Variants in PHLDB3 observed in about 807,000 individuals in gnomAD.
PHLDB3 encodes pleckstrin homology-like domain family B member 3.
A neutral mutation model predicts 85.7 loss-of-function variants in PHLDB3; 86 were observed. The observed-to-expected ratio is 1.00, with a 90% confidence interval of 0.84 to 1.20. PHLDB3 has a LOEUF of 1.20. Ranked by LOEUF, PHLDB3 falls within the 50% of genes most tolerant of loss-of-function variation. The pLI is 0.00. For missense variants in PHLDB3, 995 were observed against 873.0 expected (o/e 1.14, Z -1.76); for synonymous variants, 376 against 349.8 (o/e 1.07, Z -0.83).
intron 4 of PHLDB3, among the ~76,000 whole-genome samples, chr19:43,501,262 C>A (rs1971590385): frequency 6.9e-6 from 1 of 144,366 alleles, no homozygotes; most frequent in Non-Finnish European, 1.5e-5. Context: ...TGGCTCACTG[C>A]AACCTCCATC....
At chr19:43,501,418 C>T (rs1011413653) in intron 4 of PHLDB3, 1 of 358,478 alleles carries the variant, frequency 2.8e-6, no homozygotes, top group Non-Finnish European at 5.1e-6. Flanking sequence ...CTCCTGAGCT[C>T]AGGCAATCCG....
Position 43,503,969 on chromosome 19 carries a change from A to T in PHLDB3, c.150T>A (p.Ala50=). Residue 50 remains alanine, a synonymous_variant, in exon 2 of 16, where the codon GCT becomes GCA. Transcript: ENST00000292140. ...VLAEPSSRGG[A]EQQAEEEEVG... The stretch of plus-strand genomic sequence containing the variant: ...CTTCTTCTTCCTCTGCCTGCTGCTC[A>T]GCTCCCCCGCGGCTCGAAGGTTCCG... The T allele has an allele frequency of 6.2e-7, 1 of 1,613,714 alleles. No homozygotes were observed. Among genetic ancestry groups the T allele is most frequent in the Non-Finnish European group, 8.5e-7 (1 of 1,179,772 alleles).
At chr19:43,495,161 G>A in intron 8 of PHLDB3, 95 bp downstream of exon 8, 1 of 604,364 alleles carries the variant, frequency 1.7e-6, no homozygotes, top group Non-Finnish European at 2.4e-6. Flanking sequence ...GGAGGGGCTA[G>A]GGCCTGGACT....
chr19:43,499,237 G>A (rs1459346147), intron 4 of PHLDB3, among the ~76,000 whole-genome samples: 1 of 152,158 alleles, frequency 6.6e-6, no homozygotes, highest in African/African-American at 2.4e-5. Context: ...ACAGGGAAGT[G>A]TACAGGGCAA....
At chr19:43,491,958 T>G (rs12984602) in intron 9 of PHLDB3, among the ~76,000 whole-genome samples, 3,577 of 114,304 alleles carry the variant, frequency 0.031, 262 homozygotes, top group African/African-American at 0.11. Flanking sequence ...TTTTTTTTTT[T>G]GTTTTTTTTT....
chr19:43,484,895 A>T (rs148945616), intron 13 of PHLDB3, among the ~76,000 whole-genome samples: 154 of 152,226 alleles, frequency 1.0e-3, no homozygotes, highest in African/African-American at 3.4e-3. Flanking sequence ...GGAGGCTGAC[A>T]TGGGAGGATT....
At position 43,486,815 on chromosome 19, in the gene PHLDB3, G is replaced by C. The variant is rs769124874; in HGVS notation, c.1305C>G (p.Pro435=). ...PPAVGDSGRY[P]LYQLLNCGRG... ...GGCCACAGTTCAGCAGCTGGTAGAGGGGGTATCTGCCGGAGTCCCCCACTG... is the reference window on the plus strand; with the variant it reads ...GGCCACAGTTCAGCAGCTGGTAGAGCGGGTATCTGCCGGAGTCCCCCACTG... Residue 435 remains proline, a synonymous_variant, in exon 11 of 16, where the codon CCC becomes CCG. Transcript: ENST00000292140. 3.8e-6 allele frequency: 6 copies of C among 1,592,232 alleles called. No individual in the cohort carries two copies. The highest frequency in any genetic ancestry group is 1.1e-5 in the South Asian group (1 of 87,562).
At chr19:43,500,540 T>C (rs1475036084) in intron 4 of PHLDB3, among the ~76,000 whole-genome samples, 3 of 152,108 alleles carry the variant, frequency 2.0e-5, no homozygotes, top group African/African-American at 7.2e-5. Flanking sequence ...ACACTGAACT[T>C]TGGGGACTTC....
At chr19:43,500,525 C>T (rs1310740186) in intron 4 of PHLDB3, among the ~76,000 whole-genome samples, 1 of 152,158 alleles carries the variant, frequency 6.6e-6, no homozygotes, top group African/African-American at 2.4e-5. Flanking sequence ...ACGTATCAGC[C>T]AATCACACTG....
chr19:43,486,944 A>G (rs1479344269), intron 10 of PHLDB3, 74 bp from the exon 11 acceptor site: 3 of 1,478,006 alleles, frequency 2.0e-6, no homozygotes, highest in Admixed American at 2.5e-5. Context: ...CCCTGCAGGC[A>G]TAGGTGCGGG....
chr19:43,495,321 C>A lies in PHLDB3; in HGVS notation c.970G>T (p.Glu324Ter). 6.2e-7 allele frequency: 1 copy of A among 1,613,548 alleles called. No homozygotes were observed. The highest frequency in any genetic ancestry group is 8.5e-7 in the Non-Finnish European group (1 of 1,179,732). Residue 324 changes from glutamate to a stop codon, truncating the protein, a stop_gained, in exon 8 of 16, where the codon GAG (glutamate) becomes TAG (stop). Coordinates refer to ENST00000292140, the MANE Select transcript of PHLDB3 (RefSeq NM_198850.4). LOFTEE classifies it high-confidence loss of function. Reference protein sequence around the residue: ...ALSQERSRLLELNCLQGTPGG... With the variant: ...ALSQERSRLL ...GGTGTTCCCTGAAGGCAATTGAGCT[C>A]GAGCAGCCGGCTCCGTTCCTACCAG...
intron 2 of PHLDB3, among the ~76,000 whole-genome samples, chr19:43,502,819 C>G (rs1178457551): frequency 6.6e-6 from 1 of 152,052 alleles, no homozygotes; most frequent in African/African-American, 2.4e-5. Flanking sequence ...CCCAACCACA[C>G]GGACCACAGA....
intron 9 of PHLDB3, among the ~76,000 whole-genome samples, chr19:43,488,674 T>G (rs1488366890): frequency 1.3e-5 from 2 of 152,136 alleles, no homozygotes; most frequent in African/African-American, 4.8e-5. Flanking sequence ...CTCATACACA[T>G]GCAAAGTGAT....
At chr19:43,503,740 T>C (rs1489749702) in intron 2 of PHLDB3, among the ~76,000 whole-genome samples, 166 bp downstream of exon 2, 1 of 152,180 alleles carries the variant, frequency 6.6e-6, no homozygotes, top group East Asian at 1.9e-4. Context: ...TCTGGCTCCG[T>C]GTCCTGGTGT....
chr19:43,486,613 G>A lies in PHLDB3; in HGVS notation c.1424C>T (p.Ala475Val), dbSNP rs768112851. 1 of 1,612,826 alleles carries A rather than the reference G, an allele frequency of 6.2e-7. No homozygotes were observed. The highest frequency in any genetic ancestry group is 8.5e-7 in the Non-Finnish European group (1 of 1,179,568). Residue 475 changes from alanine (A) to valine (V), a missense_variant, in exon 12 of 16, where the codon GCC (alanine) becomes GTC (valine). Coordinates refer to ENST00000292140, the MANE Select transcript of PHLDB3 (RefSeq NM_198850.4). ...AMAERERLLKAREGTRRGTEG... is the reference protein window; with the variant it reads ...AMAERERLLKVREGTRRGTEG... Reference sequence around the variant, plus strand: ...GAGGATGGCCTGGGCTCTCACCCGGGCCTTGAGCAGCCGCTCCCTCTCCGC... The same window carrying A: ...GAGGATGGCCTGGGCTCTCACCCGGACCTTGAGCAGCCGCTCCCTCTCCGC...
rs1236272291 is a variant in PHLDB3 at position 43,495,640 on chromosome 19, GT to G, written c.826-21del. 2 of 1,599,458 alleles carry G rather than the reference GT, an allele frequency of 1.3e-6. No homozygotes were observed. The highest frequency in any genetic ancestry group is 1.7e-5 in the Admixed American group (1 of 57,762). On this transcript the variant is annotated intron_variant, in intron 6 of 15. Coordinates refer to ENST00000292140, the MANE Select transcript of PHLDB3 (RefSeq NM_198850.4). ...ACCCCTCTGTCCCGGTTACTCATCTGTCACGGCCCCAGCCAGCTCTCCAGGC... is the reference window on the plus strand; with the variant it reads ...ACCCCTCTGTCCCGGTTACTCATCTGCACGGCCCCAGCCAGCTCTCCAGGC...
At chr19:43,500,211 C>T (rs1401966645) in intron 4 of PHLDB3, among the ~76,000 whole-genome samples, 2 of 152,044 alleles carry the variant, frequency 1.3e-5, no homozygotes, top group Non-Finnish European at 2.9e-5. Context: ...TGCACTCCAG[C>T]CTGGGCAACA....
intron 9 of PHLDB3, among the ~76,000 whole-genome samples, chr19:43,487,592 A>AAAAAAAAAAAAAAAC (rs1555754906): frequency 1.5e-5 from 2 of 129,432 alleles, no homozygotes; most frequent in East Asian, 2.3e-4. Flanking sequence ...AAAAAAAAAA[A>AAAAAAAAAAAAAAAC]CACAGAAAAG....
At chr19:43,485,921 G>C in intron 13 of PHLDB3, 1 of 954,152 alleles carries the variant, frequency 1.0e-6, no homozygotes. Context: ...TATAATCCCA[G>C]TACTCTGGGA....
Sources: allele counts gnomAD v4.1 joint callset (sites outside exome capture counted in the v4.1 genomes callset), GRCh38; gene constraint gnomAD v4.1.1; transcripts MANE v1.5; gene names NCBI Gene and HGNC (gene_info 2026-07-23, HGNC 2026-07-21).